TLCD4: variants seen among roughly 807,000 people sequenced by gnomAD.
The protein encoded by TLCD4 is TLC domain-containing protein 4.
In TLCD4, 7 loss-of-function variants were observed where a neutral mutation model predicts 24.2. The observed-to-expected ratio is 0.29, with a 90% confidence interval of 0.16 to 0.54. The LOEUF is 0.54. Among genes scored for constraint, TLCD4 ranks in the 20% least tolerant of loss-of-function variants. The probability of loss-of-function intolerance (pLI) is 0.95; values close to 1 mark genes in which losing one functional copy is unlikely to be tolerated. For synonymous variants in TLCD4, 103 were observed against 106.4 expected (o/e 0.97, Z 0.20); for missense variants, 259 against 313.9 (o/e 0.82, Z 1.32).
the TLCD4 span, among the ~76,000 whole-genome samples, chr1:95,095,688 C>T: frequency 1.3e-5 from 2 of 152,138 alleles, no homozygotes; most frequent in Non-Finnish European, 1.5e-5. Flanking sequence ...TGAGCCACCG[C>T]GCCGGCACCT....
intron 1 of TLCD4, among the ~76,000 whole-genome samples, chr1:95,119,597 T>C (rs1676515806): frequency 6.6e-6 from 1 of 152,166 alleles, no homozygotes; most frequent in Non-Finnish European, 1.5e-5. Flanking sequence ...TGAGGTTTGA[T>C]GGGCCCTTCT....
chr1:95,161,850 C>T (rs1677820425), intron 5 of TLCD4, among the ~76,000 whole-genome samples: 2 of 152,180 alleles, frequency 1.3e-5, no homozygotes, highest in Admixed American at 1.3e-4. Flanking sequence ...AGTTTGATTG[C>T]ACTGTGGTCT....
chr1:95,159,325 C>A (rs1677717330), intron 5 of TLCD4, among the ~76,000 whole-genome samples: 3 of 152,174 alleles, frequency 2.0e-5, no homozygotes, highest in Non-Finnish European at 4.4e-5. Flanking sequence ...AGTATCTGTT[C>A]ATATCCTTTG....
At chr1:95,190,392 G>A (rs964739468) in intron 6 of TLCD4, among the ~76,000 whole-genome samples, 14 of 152,140 alleles carry the variant, frequency 9.2e-5, no homozygotes, top group African/African-American at 3.4e-4. Flanking sequence ...GTGTGGTGGT[G>A]TGATCTCGGC....
the TLCD4 span, among the ~76,000 whole-genome samples, chr1:95,105,808 T>C: frequency 1.4e-5 from 2 of 147,082 alleles, no homozygotes; most frequent in African/African-American, 5.0e-5. Context: ...GACAAGAGAA[T>C]GGCGTGAACC....
At chr1:95,103,023 G>A in the TLCD4 span, among the ~76,000 whole-genome samples, 138 of 151,830 alleles carry the variant, frequency 9.1e-4, 1 homozygote, top group African/African-American at 3.2e-3. Flanking sequence ...TCGTTGCCCA[G>A]GCTGGAGTGC....
At chr1:95,135,105 A>T (rs1677007699) in intron 1 of TLCD4, among the ~76,000 whole-genome samples, 1 of 152,176 alleles carries the variant, frequency 6.6e-6, no homozygotes, top group Admixed American at 6.5e-5. Context: ...CTGTGAAATT[A>T]TTATTTTTAA....
upstream of TLCD4, among the ~76,000 whole-genome samples, chr1:95,114,802 G>T (rs1676397667): frequency 6.6e-6 from 1 of 151,764 alleles, no homozygotes; most frequent in African/African-American, 2.4e-5. Flanking sequence ...CTCCAGCCTG[G>T]GCAACAGAGC....
chr1:95,099,087 T>C, the TLCD4 span, among the ~76,000 whole-genome samples: 1 of 100,592 alleles, frequency 9.9e-6, no homozygotes, highest in Non-Finnish European at 2.1e-5. Flanking sequence ...AACAGGGTAA[T>C]GATGTTTCTT....
At chr1:95,134,923 T>C (rs997034100) in intron 1 of TLCD4, among the ~76,000 whole-genome samples, 1 of 152,158 alleles carries the variant, frequency 6.6e-6, no homozygotes, top group African/African-American at 2.4e-5. Context: ...CATGCCAGGC[T>C]AGTACTGTTG....
chr1:95,181,845 T>C (rs1472039297), intron 6 of TLCD4, among the ~76,000 whole-genome samples: 1 of 152,116 alleles, frequency 6.6e-6, no homozygotes, highest in East Asian at 1.9e-4. Context: ...GGTCTTGAAC[T>C]CCTGACCTCG....
intron 1 of TLCD4, among the ~76,000 whole-genome samples, chr1:95,125,023 A>G (rs911655427): frequency 6.6e-6 from 1 of 152,194 alleles, no homozygotes; most frequent in African/African-American, 2.4e-5. Flanking sequence ...GAATGTCATC[A>G]GGGCTTAGAG....
chr1:95,094,085 C>T, the TLCD4 span, among the ~76,000 whole-genome samples: 1 of 152,156 alleles, frequency 6.6e-6, no homozygotes, highest in Non-Finnish European at 1.5e-5. Flanking sequence ...GCCTTGCTCT[C>T]AGTCTCTTGG....
chr1:95,130,190 G>A (rs1571727628), intron 1 of TLCD4, among the ~76,000 whole-genome samples: 1 of 54,230 alleles, frequency 1.8e-5, no homozygotes, highest in African/African-American at 3.4e-5. Context: ...ATCTTGCTCT[G>A]TTGCCAGGCT....
rs187593497 is a variant in TLCD4, at chr1:95,128,509, G to A, written c.-12+10892G>A. 1.0e-3 allele frequency among the ~76,000 whole-genome samples: 156 copies of A among 152,246 alleles called. 1 individual carries two copies. The highest frequency in any genetic ancestry group is 2.0e-3 in the Non-Finnish European group (133 of 68,008). The stretch of plus-strand genomic sequence containing the variant: ...AGTTAAAATTACTGTACCTATAATG[G>A]AAGGGAGAACTAGTTAGGTGTTGTG... On this transcript the variant is annotated intron_variant, in intron 1 of 6. Coordinates refer to ENST00000370203, the MANE Select transcript of TLCD4 (RefSeq NM_152487.3).
chr1:95,175,729 A>G (rs542371988), intron 6 of TLCD4, among the ~76,000 whole-genome samples: 1 of 151,736 alleles, frequency 6.6e-6, no homozygotes, highest in Non-Finnish European at 1.5e-5. Flanking sequence ...AGCCATTCTA[A>G]TGGGTGGAGG....
At chr1:95,147,034 G>C (rs1677369675) in intron 2 of TLCD4, among the ~76,000 whole-genome samples, 1 of 151,638 alleles carries the variant, frequency 6.6e-6, no homozygotes, top group South Asian at 2.1e-4. Flanking sequence ...TGGGCTGTAT[G>C]ACCATTTAAA....
intron 1 of TLCD4, among the ~76,000 whole-genome samples, chr1:95,124,039 A>G (rs759147044): frequency 6.6e-6 from 1 of 152,198 alleles, no homozygotes; most frequent in African/African-American, 2.4e-5. Context: ...AGGTGGGGCA[A>G]TGCATCCTCC....
At chr1:95,171,050 T>TC (rs34290853) in intron 5 of TLCD4, among the ~76,000 whole-genome samples, 79 of 151,746 alleles carry the variant, frequency 5.2e-4, no homozygotes, top group Middle Eastern at 3.4e-3. Context: ...GCTTTTCTCA[T>TC]CCCCCCCCTT....
Sources: gnomAD v4.1 joint callset for allele counts (sites outside exome capture counted in the v4.1 genomes callset) on GRCh38, gnomAD v4.1.1 for gene constraint, MANE v1.5 for transcripts, NCBI Gene and HGNC (gene_info 2026-07-23, HGNC 2026-07-21) for gene names.